Variants in ZC4H2 observed in about 807,000 individuals in gnomAD.
The protein encoded by ZC4H2 is zinc finger C4H2 domain-containing protein.
For synonymous variants in ZC4H2, 84 were observed against 66.3 expected, an observed-to-expected ratio of 1.27 and a Z score of -1.30; for missense variants, 137 against 173.9, an observed-to-expected ratio of 0.79 and a Z score of 1.19.
chrX:65,006,752 G>A (rs1354095517), intron 1 of ZC4H2, among the ~76,000 whole-genome samples: 1 of 111,654 alleles, frequency 9.0e-6, no homozygotes, highest in Non-Finnish European at 1.9e-5. Flanking sequence ...ATCTTATGGG[G>A]CGACCTTTGC....
chrX:65,029,105 G>A lies in ZC4H2; in HGVS notation c.-272+5524C>T, dbSNP rs1022506531. On this transcript the variant is annotated intron_variant, in intron 1 of 4. Transcript: ENST00000337990. ...GAACTATGGGAGGGGGAAAACTAAC[G>A]TTTTAGGGGTAGGTTGAAGGAGAAG... 7.2e-5 allele frequency among the ~76,000 whole-genome samples: 8 copies of A among 110,799 alleles called. No homozygotes were observed. In the East Asian group the frequency reaches 1.1e-3, roughly 16 times the overall value.
chrX:65,010,442 CAAAT>C (rs934779364), intron 1 of ZC4H2, among the ~76,000 whole-genome samples: 6 of 112,370 alleles, frequency 5.3e-5, no homozygotes, highest in Non-Finnish European at 1.1e-4. Flanking sequence ...CAGTTATACT[CAAAT>C]AATTCAGGAC....
chrX:64,934,942 T>C (rs1304702687), intron 1 of ZC4H2, among the ~76,000 whole-genome samples: 3 of 110,543 alleles, frequency 2.7e-5, no homozygotes, highest in Non-Finnish European at 5.7e-5. Context: ...AGGGTTTTTT[T>C]TTTTTCCCCC....
At chrX:64,967,554 A>G (rs1931634368) in intron 1 of ZC4H2, among the ~76,000 whole-genome samples, 1 of 112,208 alleles carries the variant, frequency 8.9e-6, no homozygotes. Flanking sequence ...TTAAAGTGGA[A>G]GTGGGACCCC....
At chrX:64,978,502 C>T (rs5964891), upstream of ZC4H2, among the ~76,000 whole-genome samples, 25,988 of 111,123 alleles carry the variant, frequency 0.23, 7,315 homozygotes, top group African/African-American at 0.81. Context: ...AACAAGCCTG[C>T]GTTAAGTGCC....
intron 1 of ZC4H2, among the ~76,000 whole-genome samples, chrX:64,950,884 C>A (rs780132220): frequency 4.5e-5 from 5 of 110,139 alleles, no homozygotes; most frequent in Non-Finnish European, 9.5e-5. Context: ...TATACATTTG[C>A]CATGCTGGTG....
intron 1 of ZC4H2, among the ~76,000 whole-genome samples, chrX:65,020,719 T>C (rs1156272441): frequency 9.0e-6 from 1 of 111,595 alleles, no homozygotes; most frequent in Non-Finnish European, 1.9e-5. Flanking sequence ...AAATGCCCAA[T>C]TAAAACACAC....
intron 1 of ZC4H2, among the ~76,000 whole-genome samples, chrX:65,017,882 G>A (rs922088984): frequency 8.9e-6 from 1 of 111,810 alleles, no homozygotes; most frequent in African/African-American, 3.3e-5. Flanking sequence ...AAAAAATTGG[G>A]GTTTTAACTT....
intron 1 of ZC4H2, among the ~76,000 whole-genome samples, chrX:64,938,891 C>T (rs1261240686): frequency 1.8e-5 from 2 of 111,971 alleles, no homozygotes; most frequent in East Asian, 5.6e-4. Context: ...ACATGGATGC[C>T]CTCTCTCACC....
chrX:64,964,555 T>G (rs1171058295), intron 1 of ZC4H2, among the ~76,000 whole-genome samples: 1 of 111,602 alleles, frequency 9.0e-6, no homozygotes, highest in East Asian at 2.8e-4. Context: ...AATATAGAAT[T>G]ATTTACCCAG....
chrX:64,941,934 T>C (rs979201785), intron 1 of ZC4H2, among the ~76,000 whole-genome samples: 1 of 112,374 alleles, frequency 8.9e-6, no homozygotes, highest in African/African-American at 3.2e-5. Context: ...GTCCCTCTTT[T>C]TCTACTGTTT....
At chrX:65,024,668 G>T (rs1408434504) in intron 1 of ZC4H2, among the ~76,000 whole-genome samples, 1 of 111,927 alleles carries the variant, frequency 8.9e-6, no homozygotes, top group Non-Finnish European at 1.9e-5. Flanking sequence ...TGGTAGATGG[G>T]ATCAATTAAA....
At chrX:64,957,914 C>T (rs1247994009) in intron 1 of ZC4H2, among the ~76,000 whole-genome samples, 2 of 111,036 alleles carry the variant, frequency 1.8e-5, no homozygotes, top group East Asian at 5.7e-4. Flanking sequence ...ACATATTAGC[C>T]TAGGCCTACA....
chrX:64,953,686 G>T (rs1230153698), intron 1 of ZC4H2, among the ~76,000 whole-genome samples: 1 of 111,837 alleles, frequency 8.9e-6, no homozygotes, highest in Non-Finnish European at 1.9e-5. Context: ...TGGAGAGAAT[G>T]TGGAGAAATA....
At chrX:64,921,659 C>A (rs1026045761) in intron 2 of ZC4H2, among the ~76,000 whole-genome samples, 158 bp downstream of exon 2, 3 of 111,688 alleles carry the variant, frequency 2.7e-5, no homozygotes, top group Non-Finnish European at 5.6e-5. Flanking sequence ...AGAGCCAGGG[C>A]TGGATCTCAG....
rs148689169 is a variant in ZC4H2 at position 64,958,257 on chromosome X, G to A, written c.53+18068C>T. Reference sequence around the variant, plus strand: ...CGTGAGTAATACATTGCACTATGATGTTACAGTGGGTACGTCACTAGGTGA... The same window carrying A: ...CGTGAGTAATACATTGCACTATGATATTACAGTGGGTACGTCACTAGGTGA... On this transcript the variant is annotated intron_variant, in intron 1 of 4. Coordinates refer to ENST00000374839, the MANE Select transcript of ZC4H2 (RefSeq NM_018684.4). 1.8e-3 allele frequency among the ~76,000 whole-genome samples: 196 copies of A among 111,920 alleles called. 1 individual carries two copies. Among genetic ancestry groups the A allele is most frequent in the African/African-American group, 5.9e-3 (181 of 30,823 alleles).
chrX:64,937,973 CA>C (rs750799511), intron 1 of ZC4H2, among the ~76,000 whole-genome samples: 1 of 109,710 alleles, frequency 9.1e-6, no homozygotes, highest in South Asian at 3.9e-4. Context: ...AAAAAACCTT[CA>C]AAAAAATCAA....
At chrX:64,930,980 C>T (rs192196820) in intron 1 of ZC4H2, among the ~76,000 whole-genome samples, 1 of 111,666 alleles carries the variant, frequency 9.0e-6, no homozygotes, top group East Asian at 2.8e-4. Flanking sequence ...GCTGTGAATC[C>T]ACCTGGTTCT....
At chrX:64,976,647 T>C, upstream of ZC4H2, 1 of 378,284 alleles carries the variant, frequency 2.6e-6, no homozygotes, top group East Asian at 4.6e-5. Context: ...TAGATAATTA[T>C]GTCAAAGGTT....
Sources: allele counts gnomAD v4.1 joint callset (sites outside exome capture counted in the v4.1 genomes callset), GRCh38; gene constraint gnomAD v4.1.1; transcripts MANE v1.5; gene names NCBI Gene and HGNC (gene_info 2026-07-23, HGNC 2026-07-21).